Variants in GARIN1B observed in about 807,000 individuals in gnomAD.
GARIN1B encodes the protein golgi associated RAB2 interactor 1B, also known as Golgi-associated RAB2 interactor protein 1B.
chr7:128,709,750 C>CTGTCTTTT, the GARIN1B span, among the ~76,000 whole-genome samples: 33 of 114,650 alleles, frequency 2.9e-4, 1 homozygote, highest in Non-Finnish European at 3.0e-4. Flanking sequence ...CTCTCTCTCT[C>CTGTCTTTT]TTTTTTTTTT....
the GARIN1B span, chr7:128,715,827 A>G: frequency 1.3e-6 from 1 of 777,018 alleles, no homozygotes; most frequent in Non-Finnish European, 2.1e-6. Flanking sequence ...CTGGAATGCA[A>G]GGCCACCCTC....
chr7:128,730,073 C>T, the GARIN1B span: 30 of 1,611,996 alleles, frequency 1.9e-5, no homozygotes, highest in Non-Finnish European at 2.5e-5. Context: ...CCCATAGGTA[C>T]AGCAATGGGA....
At chr7:128,714,579 C>CAAAAAAAA in the GARIN1B span, among the ~76,000 whole-genome samples, 1 of 148,478 alleles carries the variant, frequency 6.7e-6, no homozygotes, top group Non-Finnish European at 1.5e-5. Context: ...GACTCCATCT[C>CAAAAAAAA]AAAAAAAAAA....
the GARIN1B span, among the ~76,000 whole-genome samples, chr7:128,717,548 G>C: frequency 8.0e-5 from 12 of 150,472 alleles, no homozygotes; most frequent in South Asian, 2.1e-4. Context: ...ACAGGTTTAA[G>C]TGATTCTCCT....
the GARIN1B span, chr7:128,713,961 C>G: frequency 1.3e-6 from 2 of 1,524,382 alleles, no homozygotes; most frequent in Non-Finnish European, 1.8e-6. Flanking sequence ...GATGTGGTCT[C>G]TGATCTAATC....
the GARIN1B span, chr7:128,726,738 A>G: frequency 7.0e-7 from 1 of 1,435,976 alleles, no homozygotes; most frequent in Non-Finnish European, 9.8e-7. Flanking sequence ...GCTTTGCATC[A>G]GGAACTTTGG....
At chr7:128,709,316 C>G in the GARIN1B span, 1 of 152,232 alleles carries the variant, frequency 6.6e-6, no homozygotes, top group Non-Finnish European at 1.5e-5. Flanking sequence ...CACCCAGAAG[C>G]CTGTACCTCT....
chr7:128,730,962 C>T, the GARIN1B span: 1 of 808,676 alleles, frequency 1.2e-6, no homozygotes, highest in African/African-American at 1.7e-5. Flanking sequence ...CTGGGCCCGG[C>T]CACCACCAAC....
At chr7:128,726,862 A>T in the GARIN1B span, 1 of 1,614,092 alleles carries the variant, frequency 6.2e-7, no homozygotes. Context: ...GACCAACAAG[A>T]ACAGCTCAGG....
At chr7:128,725,607 T>G in the GARIN1B span, among the ~76,000 whole-genome samples, 1 of 152,290 alleles carries the variant, frequency 6.6e-6, no homozygotes, top group Middle Eastern at 3.4e-3. Flanking sequence ...CCTGGCCTTA[T>G]GTGATCCATT....
the GARIN1B span, chr7:128,730,190 A>G: frequency 1.1e-5 from 13 of 1,171,518 alleles, no homozygotes; most frequent in Non-Finnish European, 1.6e-5. Flanking sequence ...TGGTCGAGGA[A>G]TGCTGGCCAC....
chr7:128,729,865 C>A, the GARIN1B span: 1 of 1,599,456 alleles, frequency 6.3e-7, no homozygotes, highest in East Asian at 2.2e-5. Context: ...CTCTGTGAAC[C>A]AGCACACAAG....
chr7:128,712,669 C>G, the GARIN1B span, among the ~76,000 whole-genome samples: 73 of 152,332 alleles, frequency 4.8e-4, no homozygotes, highest in African/African-American at 1.7e-3. Context: ...ATGGTTGAGG[C>G]TGTCACCAAA....
the GARIN1B span, among the ~76,000 whole-genome samples, chr7:128,719,720 G>A: frequency 5.6e-5 from 5 of 89,146 alleles, no homozygotes; most frequent in East Asian, 1.5e-3. Flanking sequence ...TTTTTTTTGA[G>A]ATGGAGTCTT....
chr7:128,710,397 T>A, the GARIN1B span, among the ~76,000 whole-genome samples: 1 of 152,246 alleles, frequency 6.6e-6, no homozygotes, highest in South Asian at 2.1e-4. Flanking sequence ...TTTCTTTTTA[T>A]GTTTTTCATT....
the GARIN1B span, among the ~76,000 whole-genome samples, chr7:128,727,791 A>G: frequency 6.6e-6 from 1 of 151,532 alleles, no homozygotes; most frequent in Non-Finnish European, 1.5e-5. Context: ...CTATCCTTCT[A>G]AATCCTACCC....
the GARIN1B span, among the ~76,000 whole-genome samples, chr7:128,716,037 G>A: frequency 2.0e-5 from 3 of 151,738 alleles, no homozygotes; most frequent in South Asian, 4.1e-4. Flanking sequence ...ACAATAATGC[G>A]GATTGGCGAA....
the GARIN1B span, among the ~76,000 whole-genome samples, chr7:128,725,338 T>TTTCCTTCCTTCCTTCC: frequency 1.6e-4 from 24 of 149,520 alleles, no homozygotes; most frequent in African/African-American, 4.7e-4. Flanking sequence ...ATCAAATCAC[T>TTTCCTTCCTTCCTTCC]TTCCTTCCTT....
chr7:128,714,493 G>A, the GARIN1B span, among the ~76,000 whole-genome samples: 128 of 152,052 alleles, frequency 8.4e-4, no homozygotes, highest in African/African-American at 2.9e-3. Context: ...CAGGAGAATC[G>A]CTTGAACTCG....
Sources: gnomAD v4.1 joint callset for allele counts (sites outside exome capture counted in the v4.1 genomes callset) on GRCh38, gnomAD v4.1.1 for gene constraint, MANE v1.5 for transcripts, NCBI Gene and HGNC (gene_info 2026-07-23, HGNC 2026-07-21) for gene names.